MBTPS1: variants seen among roughly 807,000 people sequenced by gnomAD.
MBTPS1 encodes membrane-bound transcription factor site-1 protease.
In MBTPS1, 94 loss-of-function variants were observed where a neutral mutation model predicts 127.8. That is an observed-to-expected ratio of 0.74 (90% CI 0.62 to 0.87). MBTPS1 has a LOEUF of 0.87. Among genes scored for constraint, MBTPS1 ranks in the 40% least tolerant of loss-of-function variants. MBTPS1 has a pLI of 0.00. For synonymous variants in MBTPS1, 632 were observed against 509.4 expected (o/e 1.24, Z -3.24); for missense variants, 1,636 against 1,353.2 (o/e 1.21, Z -3.28).
At chr16:84,079,841 A>T (rs1336950814) in intron 11 of MBTPS1, among the ~76,000 whole-genome samples, 5 of 152,276 alleles carry the variant, frequency 3.3e-5, no homozygotes, top group Admixed American at 2.0e-4. Context: ...ATACAGAAGC[A>T]GTCGTATGTG....
chr16:84,102,511 T>G (rs1237491793), intron 1 of MBTPS1, among the ~76,000 whole-genome samples: 1 of 152,038 alleles, frequency 6.6e-6, no homozygotes, highest in Non-Finnish European at 1.5e-5. Context: ...TGGAAAAAAG[T>G]AAGGACAACA....
intron 1 of MBTPS1, among the ~76,000 whole-genome samples, chr16:84,112,097 G>C (rs1321195546): frequency 6.6e-6 from 1 of 152,040 alleles, no homozygotes; most frequent in Non-Finnish European, 1.5e-5. Context: ...AGCTACTCAG[G>C]AGGCTGAGGC....
At chr16:84,074,818 G>T (rs1314175999) in intron 11 of MBTPS1, 77 bp from the exon 12 acceptor site, 6 of 1,368,640 alleles carry the variant, frequency 4.4e-6, no homozygotes, top group Non-Finnish European at 6.0e-6. Flanking sequence ...ACAAGACAGA[G>T]TTAACAAAGC....
chr16:84,098,941 A>G, intron 3 of MBTPS1, 112 bp downstream of exon 3: 1 of 1,100,570 alleles, frequency 9.1e-7, no homozygotes, highest in Non-Finnish European at 1.3e-6. Flanking sequence ...CACAATTAGC[A>G]AACTAGATGG....
intron 21 of MBTPS1, among the ~76,000 whole-genome samples, chr16:84,058,651 T>C (rs2085557377): frequency 1.3e-5 from 2 of 152,264 alleles, no homozygotes; most frequent in African/African-American, 4.8e-5. Flanking sequence ...GGACCAGCCA[T>C]GCCGAGCTGG....
intron 2 of MBTPS1, among the ~76,000 whole-genome samples, chr16:84,100,371 G>A (rs150768102): frequency 1.6e-4 from 24 of 152,196 alleles, no homozygotes; most frequent in Non-Finnish European, 2.2e-4. Context: ...ATGGAGAAAC[G>A]CAGTCTCTAC....
chr16:84,079,415 T>A (rs1288346738), intron 11 of MBTPS1, among the ~76,000 whole-genome samples: 1 of 152,032 alleles, frequency 6.6e-6, no homozygotes, highest in African/African-American at 2.4e-5. Context: ...TAAAAAGGAA[T>A]ACAAACACGA....
intron 20 of MBTPS1, chr16:84,060,190 G>C (rs1019684721): frequency 6.5e-6 from 1 of 154,016 alleles, no homozygotes; most frequent in African/African-American, 2.4e-5. Context: ...ATACCGCCCA[G>C]GCGATCTCAG....
chr16:84,111,888 T>C (rs1417462562), intron 1 of MBTPS1, among the ~76,000 whole-genome samples: 1 of 145,490 alleles, frequency 6.9e-6, no homozygotes, highest in Non-Finnish European at 1.5e-5. Context: ...AATTTTAAAA[T>C]GTGTCTATGA....
intron 20 of MBTPS1, chr16:84,059,952 A>G (rs1054147434): frequency 6.6e-6 from 1 of 152,084 alleles, no homozygotes; most frequent in African/African-American, 2.4e-5. Flanking sequence ...GGGCTCAAGT[A>G]TATTATTAAA....
intron 18 of MBTPS1, among the ~76,000 whole-genome samples, chr16:84,064,404 G>T (rs1298878191): frequency 1.3e-5 from 2 of 152,042 alleles, no homozygotes; most frequent in Non-Finnish European, 2.9e-5. Context: ...TGCCATCAGG[G>T]TCTTTTCTGA....
At position 84,055,987 on chromosome 16, in the gene MBTPS1, A is replaced by G; in HGVS notation, c.2962+18T>C. 1 of 1,604,382 alleles carries G rather than the reference A, an allele frequency of 6.2e-7. No homozygotes were observed. The highest frequency in any genetic ancestry group is 1.1e-5 in the South Asian group (1 of 90,634). Reference sequence around the variant, plus strand: ...TACAGGATGACTGAGCACAATCACAAAGCAGCCGAGAACTCACCTCCAGGA... The same window carrying G: ...TACAGGATGACTGAGCACAATCACAGAGCAGCCGAGAACTCACCTCCAGGA... On this transcript the variant is annotated intron_variant, in intron 22 of 22. Coordinates refer to ENST00000343411, the MANE Select transcript of MBTPS1 (RefSeq NM_003791.4).
Position 84,060,726 on chromosome 16 carries a change from C to T in MBTPS1, c.2660G>A (p.Arg887His), listed in dbSNP as rs192163606. Reference protein sequence around the residue: ...PSLSHSGNRQRPPSGAGSVTP... With the variant: ...PSLSHSGNRQHPPSGAGSVTP... Reference sequence around the variant, plus strand: ...GACTGAGCCTGCTCCACTGGGAGGGCGCTGGCGGTTCCCAGAGTGACTGAG... The same window carrying T: ...GACTGAGCCTGCTCCACTGGGAGGGTGCTGGCGGTTCCCAGAGTGACTGAG... The change falls in exon 20 of 23, where the codon CGC (arginine) becomes CAC (histidine). Residue 887 changes from arginine (R) to histidine (H), a missense_variant. Arg to His is a conservative substitution (Grantham distance 29). Transcript: ENST00000343411. 1.0e-4 allele frequency: 162 copies of T among 1,613,660 alleles called. No individual in the cohort carries two copies. Among genetic ancestry groups the T allele is most frequent in the Middle Eastern group, 1.7e-4 (1 of 6,060 alleles).
At chr16:84,068,119 G>A (rs1258656177) in intron 15 of MBTPS1, among the ~76,000 whole-genome samples, 3 of 152,350 alleles carry the variant, frequency 2.0e-5, no homozygotes, top group East Asian at 1.9e-4. Flanking sequence ...AAAAGAGTAC[G>A]AATGTCCCTG....
intron 2 of MBTPS1, among the ~76,000 whole-genome samples, chr16:84,100,438 G>A (rs943704154): frequency 1.3e-5 from 2 of 152,028 alleles, no homozygotes; most frequent in African/African-American, 4.8e-5. Flanking sequence ...CAGCTACTCG[G>A]GAGGCTGAGG....
At chr16:84,060,974 A>T in intron 19 of MBTPS1, 161 bp from the exon 20 acceptor site, 1 of 604,194 alleles carries the variant, frequency 1.7e-6, no homozygotes, top group Non-Finnish European at 2.8e-6. Context: ...GCTGAGACTG[A>T]AGGCACATGA....
At chr16:84,111,224 G>A (rs1393547427) in intron 1 of MBTPS1, among the ~76,000 whole-genome samples, 1 of 152,160 alleles carries the variant, frequency 6.6e-6, no homozygotes, top group African/African-American at 2.4e-5. Flanking sequence ...ATGACAACAG[G>A]TAGTAATAGA....
intron 18 of MBTPS1, among the ~76,000 whole-genome samples, chr16:84,064,951 C>G (rs923117147): frequency 2.0e-5 from 3 of 152,144 alleles, no homozygotes; most frequent in African/African-American, 7.2e-5. Context: ...AAAATGGCAA[C>G]TTTAGAAGGG....
At chr16:84,077,645 G>C (rs1210404610) in intron 11 of MBTPS1, among the ~76,000 whole-genome samples, 1 of 152,098 alleles carries the variant, frequency 6.6e-6, no homozygotes, top group Non-Finnish European at 1.5e-5. Context: ...ACAAATATTA[G>C]AAGAAAACAC....
Sources: gnomAD v4.1 joint callset for allele counts (sites outside exome capture counted in the v4.1 genomes callset) on GRCh38, gnomAD v4.1.1 for gene constraint, MANE v1.5 for transcripts, NCBI Gene and HGNC (gene_info 2026-07-23, HGNC 2026-07-21) for gene names.